The following ADAM28 variants were observed in gnomAD, a reference collection of about 807,000 sequenced individuals.
ADAM28 encodes the protein disintegrin and metalloproteinase domain-containing protein 28.
ADAM28 carries 105 observed loss-of-function variants against 101.2 expected under a neutral mutation model. That is an observed-to-expected ratio of 1.04 (90% CI 0.89 to 1.22). The LOEUF is 1.22. Among genes scored for constraint, ADAM28 ranks in the 50% most tolerant of loss-of-function variants. ADAM28 has a pLI of 0.00. For missense variants in ADAM28, 1,028 were observed against 945.4 expected (o/e 1.09, Z -1.15); for synonymous variants, 322 against 310.6 (o/e 1.04, Z -0.39).
chr8:24,313,328 T>C, intron 5 of ADAM28, 60 bp from the exon 6 acceptor site: 1 of 1,449,484 alleles, frequency 6.9e-7, no homozygotes, highest in South Asian at 1.5e-5. Context: ...ATCTTATAAA[T>C]CTGTATGAAC....
intron 14 of ADAM28, 22 bp downstream of exon 14, chr8:24,335,663 C>A: frequency 6.4e-7 from 1 of 1,567,026 alleles, no homozygotes; most frequent in East Asian, 2.3e-5. Context: ...AATCCTTTCC[C>A]CTGTGCATGT....
At chr8:24,328,508 T>A (rs1024491233) in intron 10 of ADAM28, among the ~76,000 whole-genome samples, 1 of 151,990 alleles carries the variant, frequency 6.6e-6, no homozygotes, top group Admixed American at 6.6e-5. Context: ...TGCCATAAAA[T>A]TGGAAGAGAA....
intron 15 of ADAM28, chr8:24,341,176 C>T (rs2129326420): frequency 6.4e-6 from 1 of 155,230 alleles, no homozygotes. Flanking sequence ...TATCCTCTAG[C>T]TCCATCATCC....
chr8:24,336,580 C>CAAAAA (rs769016133), intron 14 of ADAM28, among the ~76,000 whole-genome samples: 2 of 61,600 alleles, frequency 3.2e-5, no homozygotes, highest in African/African-American at 6.3e-5. Flanking sequence ...ACTCCGTCTC[C>CAAAAA]AAAAAAAAAA....
chr8:24,324,334 A>G (rs1412393144), intron 9 of ADAM28, among the ~76,000 whole-genome samples: 1 of 152,044 alleles, frequency 6.6e-6, no homozygotes, highest in East Asian at 1.9e-4. Flanking sequence ...CATCTAAGAT[A>G]TTATTAGAAA....
chr8:24,295,898 C>T (rs1441004788), intron 1 of ADAM28: 1 of 152,198 alleles, frequency 6.6e-6, no homozygotes. Flanking sequence ...CCTGTTTGTT[C>T]TCTGCCCCCA....
At chr8:24,347,918 T>G (rs1014677258) in intron 18 of ADAM28, among the ~76,000 whole-genome samples, 4 of 152,150 alleles carry the variant, frequency 2.6e-5, no homozygotes, top group Admixed American at 1.3e-4. Flanking sequence ...TTAAGTCTTT[T>G]TTTCTTTTAT....
rs200921474 is a variant in ADAM28 at position 24,309,919 on chromosome 8, A to G, written c.176A>G (p.Tyr59Cys). 6.4e-7 allele frequency: 1 copy of G among 1,561,384 alleles called. No individual in the cohort carries two copies. The highest frequency in any genetic ancestry group is 1.4e-5 in the African/African-American group (1 of 73,778). Residue 59 changes from tyrosine (Y) to cysteine (C), a missense_variant, in exon 3 of 23, where the codon TAT (tyrosine) becomes TGT (cysteine). By Grantham distance (194) the Tyr-to-Cys change is radical (BLOSUM62 -2). Coordinates refer to ENST00000265769, the MANE Select transcript of ADAM28 (RefSeq NM_014265.6). ...QQEQFETELK[Y>C]KMTINGKIAV... is the part of the protein sequence containing the mutation. ...GAACAATTTGAAACTGAATTAAAGT[A>G]TAAAATGACAATTAATGGAAAAATT...
intron 6 of ADAM28, among the ~76,000 whole-genome samples, chr8:24,319,069 G>A (rs374993736): frequency 1.2e-4 from 18 of 151,658 alleles, no homozygotes; most frequent in African/African-American, 2.7e-4. Flanking sequence ...TTTACTCCCC[G>A]TCTCTTGGTG....
Position 24,339,503 on chromosome 8 carries a change from T to C in ADAM28, c.1605T>C (p.Asn535=), listed in dbSNP as rs776028223. Reference sequence around the variant, plus strand: ...CAGATAAGTCATGTTACAACAGGAATGAAGGTGGGTCAAAGTACGGGTACT... The same window carrying C: ...CAGATAAGTCATGTTACAACAGGAACGAAGGTGGGTCAAAGTACGGGTACT... ...EVADKSCYNR[N]EGGSKYGYCR... is the part of the protein sequence containing the mutation. Residue 535 remains asparagine (N), a synonymous_variant, in exon 15 of 23, where the codon AAT becomes AAC. Coordinates refer to ENST00000265769, the MANE Select transcript of ADAM28 (RefSeq NM_014265.6). 6.2e-7 allele frequency: 1 copy of C among 1,613,538 alleles called. No individual in the cohort carries two copies. Among genetic ancestry groups the C allele is most frequent in the Non-Finnish European group, 8.5e-7 (1 of 1,179,696 alleles).
chr8:24,355,516 CCT>C lies in ADAM28; in HGVS notation c.*1113_*1114del, dbSNP rs1491401179. On this transcript the variant is annotated 3_prime_UTR_variant, in exon 23 of 23. Coordinates refer to ENST00000265769, the MANE Select transcript of ADAM28 (RefSeq NM_014265.6). ...AGATGATTTTATAATCCTCCCCCTC[CCT>C]TTTTTTTTTTGCTAGTAAGACGACA... 6.6e-6 allele frequency: 1 copy of C among 150,850 alleles called. No individual in the cohort carries two copies. Among genetic ancestry groups the C allele is most frequent in the African/African-American group, 2.4e-5 (1 of 41,322 alleles). The allele number at this position is 150,850 out of a possible 1,614,324, so 9.3% of individuals were successfully genotyped here.
chr8:24,348,505 G>C (rs1815687436), intron 18 of ADAM28, among the ~76,000 whole-genome samples: 1 of 151,954 alleles, frequency 6.6e-6, no homozygotes, highest in Admixed American at 6.6e-5. Flanking sequence ...TTTTATCTAG[G>C]ATTATTTTCT....
chr8:24,339,342 C>T, intron 14 of ADAM28, 124 bp from the exon 15 acceptor site: 1 of 704,084 alleles, frequency 1.4e-6, no homozygotes, highest in African/African-American at 1.8e-5. Flanking sequence ...TAGTATTTTT[C>T]TTGCTTGTTT....
chr8:24,353,741 C>T (rs1816442738), intron 21 of ADAM28, 29 bp from the exon 22 acceptor site: 1 of 1,329,536 alleles, frequency 7.5e-7, no homozygotes, highest in East Asian at 2.3e-5. Flanking sequence ...ATTTCTAATG[C>T]CATACCATTG....
At chr8:24,311,613 T>C (rs1354610647) in intron 5 of ADAM28, among the ~76,000 whole-genome samples, 176 bp downstream of exon 5, 1 of 152,166 alleles carries the variant, frequency 6.6e-6, no homozygotes, top group Non-Finnish European at 1.5e-5. Context: ...GGCTTGTAAA[T>C]TACATATCCG....
At chr8:24,344,450 C>T (rs773833968) in intron 18 of ADAM28, among the ~76,000 whole-genome samples, 3 of 152,034 alleles carry the variant, frequency 2.0e-5, no homozygotes, top group Non-Finnish European at 4.4e-5. Context: ...AGGTGATGAG[C>T]CAATCTTGTT....
intron 10 of ADAM28, among the ~76,000 whole-genome samples, chr8:24,327,645 G>A (rs1812797195): frequency 6.6e-6 from 1 of 152,070 alleles, no homozygotes; most frequent in Non-Finnish European, 1.5e-5. Context: ...TATACTACAA[G>A]GCTACAGTAA....
chr8:24,332,974 T>C (rs1488419125), intron 13 of ADAM28, among the ~76,000 whole-genome samples: 2 of 152,142 alleles, frequency 1.3e-5, no homozygotes, highest in African/African-American at 4.8e-5. Flanking sequence ...GAGAAAAAAA[T>C]GCAGAGTAGA....
chr8:24,343,202 T>A (rs1242272691), intron 17 of ADAM28, 21 bp downstream of exon 17: 1 of 1,609,604 alleles, frequency 6.2e-7, no homozygotes, highest in South Asian at 1.1e-5. Flanking sequence ...AAAATATGTT[T>A]CCCTAAGCTC....
Sources: gnomAD v4.1 joint callset for allele counts (sites outside exome capture counted in the v4.1 genomes callset) on GRCh38, gnomAD v4.1.1 for gene constraint, MANE v1.5 for transcripts, NCBI Gene and HGNC (gene_info 2026-07-23, HGNC 2026-07-21) for gene names.